Variants in EFNA5 observed in about 807,000 individuals in gnomAD.
EFNA5 encodes ephrin A5.
A neutral mutation model predicts 22.9 loss-of-function variants in EFNA5; 5 were observed. The observed-to-expected ratio is 0.22, with a 90% confidence interval of 0.11 to 0.46. The LOEUF (loss-of-function observed/expected upper bound fraction) is 0.46. Among genes scored for constraint, EFNA5 ranks in the 20% least tolerant of loss-of-function variants. The pLI is 0.99. For missense variants in EFNA5, 237 were observed against 293.3 expected, an observed-to-expected ratio of 0.81 and a Z score of 1.40; for synonymous variants, 113 against 112.2, an observed-to-expected ratio of 1.01 and a Z score of -0.04.
chr5:107,537,892 G>C (rs527668708), intron 1 of EFNA5, among the ~76,000 whole-genome samples: 115 of 152,300 alleles, frequency 7.6e-4, no homozygotes, highest in African/African-American at 2.5e-3. Flanking sequence ...AAAGAAGCCA[G>C]ATACACACAA....
At chr5:107,391,536 T>A (rs557527744) in intron 2 of EFNA5, among the ~76,000 whole-genome samples, 1 of 152,144 alleles carries the variant, frequency 6.6e-6, no homozygotes, top group Non-Finnish European at 1.5e-5. Flanking sequence ...AAAATCTAGA[T>A]CTGAAATCTT....
At chr5:107,553,103 C>T (rs1428357943) in intron 1 of EFNA5, among the ~76,000 whole-genome samples, 3 of 152,126 alleles carry the variant, frequency 2.0e-5, no homozygotes, top group Non-Finnish European at 4.4e-5. Context: ...TACAAATACA[C>T]CAAGAAAGAA....
At chr5:107,513,264 G>A (rs1747410422) in intron 1 of EFNA5, among the ~76,000 whole-genome samples, 1 of 151,422 alleles carries the variant, frequency 6.6e-6, no homozygotes, top group Admixed American at 6.6e-5. Flanking sequence ...GGGAGAGGGA[G>A]AGAGAGAGAG....
intron 1 of EFNA5, among the ~76,000 whole-genome samples, chr5:107,649,246 T>C (rs375691527): frequency 2.3e-4 from 35 of 152,078 alleles, no homozygotes; most frequent in East Asian, 3.9e-4. Context: ...TGGTAGAAAA[T>C]AAAAAACCTG....
In EFNA5 at chr5:107,377,612, T is replaced by C. The variant is rs1390189988; in HGVS notation, c.*3643A>G. The C allele has an allele frequency of 6.6e-6, 1 of 152,158 alleles. No homozygotes were observed. The highest frequency in any genetic ancestry group is 1.5e-5 in the Non-Finnish European group (1 of 68,018). 9.4% of individuals were successfully genotyped at this position (152,158 alleles called of 1,614,324 possible). On this transcript the variant is annotated 3_prime_UTR_variant, in exon 5 of 5. Transcript: ENST00000333274. ...AGTCCCTGAAAATCCACAGGTACTG[T>C]GTGACTCTTCCTTTCACAACGACAC...
intron 2 of EFNA5, among the ~76,000 whole-genome samples, chr5:107,413,773 T>G (rs1748432070): frequency 6.6e-6 from 1 of 152,156 alleles, no homozygotes; most frequent in Admixed American, 6.5e-5. Flanking sequence ...CAAGGTCAAA[T>G]TATGTCTAAT....
intron 1 of EFNA5, among the ~76,000 whole-genome samples, chr5:107,444,054 A>G (rs559815238): frequency 6.6e-6 from 1 of 152,268 alleles, no homozygotes; most frequent in East Asian, 1.9e-4. Context: ...GGATGATAAC[A>G]TCATCCATGT....
At chr5:107,612,685 C>T (rs982862421) in intron 1 of EFNA5, among the ~76,000 whole-genome samples, 1 of 152,136 alleles carries the variant, frequency 6.6e-6, no homozygotes, top group East Asian at 1.9e-4. Flanking sequence ...CAGTGAAGAA[C>T]TGGAACAAAG....
intron 1 of EFNA5, among the ~76,000 whole-genome samples, chr5:107,574,270 T>C (rs1263760510): frequency 1.3e-5 from 2 of 152,006 alleles, no homozygotes; most frequent in Non-Finnish European, 2.9e-5. Flanking sequence ...AAAGTGGGAG[T>C]ACAAGGAAGA....
chr5:107,395,034 C>CTTTTGTTTTTTTTTTTTTT (rs1747883713), intron 2 of EFNA5, among the ~76,000 whole-genome samples: 1 of 86,142 alleles, frequency 1.2e-5, no homozygotes, highest in Non-Finnish European at 2.2e-5. Flanking sequence ...ATTTCTAGTT[C>CTTTTGTTTTTTTTTTTTTT]TTTTTTTTTT....
intron 1 of EFNA5, among the ~76,000 whole-genome samples, chr5:107,615,982 C>T (rs1749904002): frequency 6.6e-6 from 1 of 152,144 alleles, no homozygotes; most frequent in Non-Finnish European, 1.5e-5. Flanking sequence ...AATTATTCTT[C>T]AAATTATATT....
At chr5:107,497,250 G>T (rs150799563) in intron 1 of EFNA5, among the ~76,000 whole-genome samples, 2 of 152,322 alleles carry the variant, frequency 1.3e-5, no homozygotes, top group Non-Finnish European at 2.9e-5. Context: ...CTCATTTGTA[G>T]GAACAGGTTC....
intron 1 of EFNA5, among the ~76,000 whole-genome samples, chr5:107,459,663 A>C (rs918009071): frequency 6.6e-6 from 1 of 152,152 alleles, no homozygotes; most frequent in African/African-American, 2.4e-5. Context: ...GTGAGAGTTG[A>C]GAGTTTCTTC....
chr5:107,444,589 T>C (rs888529351), intron 1 of EFNA5, among the ~76,000 whole-genome samples: 4 of 152,244 alleles, frequency 2.6e-5, no homozygotes, highest in African/African-American at 9.6e-5. Context: ...TAAATAGTCA[T>C]GGCTGAACAT....
intron 1 of EFNA5, among the ~76,000 whole-genome samples, chr5:107,555,540 A>T (rs1748392823): frequency 6.6e-6 from 1 of 152,236 alleles, no homozygotes; most frequent in African/African-American, 2.4e-5. Context: ...AGTCATCTGA[A>T]ACTGAATGTT....
intron 2 of EFNA5, among the ~76,000 whole-genome samples, chr5:107,419,403 A>G (rs1748595406): frequency 6.6e-6 from 1 of 152,232 alleles, no homozygotes; most frequent in Admixed American, 6.5e-5. Context: ...TACAAAGCGA[A>G]TAGAAGGACT....
At chr5:107,668,625 A>G (rs894154951) in intron 1 of EFNA5, among the ~76,000 whole-genome samples, 6 of 152,246 alleles carry the variant, frequency 3.9e-5, no homozygotes, top group African/African-American at 7.2e-5. Flanking sequence ...AAGACAACCG[A>G]GAGCAAGATA....
intron 1 of EFNA5, among the ~76,000 whole-genome samples, chr5:107,548,757 T>C (rs1748224075): frequency 6.6e-6 from 1 of 152,198 alleles, no homozygotes; most frequent in Non-Finnish European, 1.5e-5. Flanking sequence ...TTTCCTCATC[T>C]GTAGGAAGCA....
chr5:107,477,527 G>A (rs529566796), intron 1 of EFNA5, among the ~76,000 whole-genome samples: 1 of 152,132 alleles, frequency 6.6e-6, no homozygotes, highest in Non-Finnish European at 1.5e-5. Flanking sequence ...AGGATCTCTG[G>A]CAATTACATT....
Sources: allele counts gnomAD v4.1 joint callset (sites outside exome capture counted in the v4.1 genomes callset), GRCh38; gene constraint gnomAD v4.1.1; transcripts MANE v1.5; gene names NCBI Gene and HGNC (gene_info 2026-07-23, HGNC 2026-07-21).